The following PARP15 variants were observed in gnomAD, a reference collection of about 807,000 sequenced individuals.
PARP15 encodes poly(ADP-ribose) polymerase family member 15, also known as protein mono-ADP-ribosyltransferase PARP15.
A neutral mutation model predicts 62.1 loss-of-function variants in PARP15; 50 were observed. That is an observed-to-expected ratio of 0.81 (90% CI 0.64 to 1.02). The LOEUF (loss-of-function observed/expected upper bound fraction) is 1.02. Ranked by LOEUF, PARP15 falls within the 50% of genes least tolerant of loss-of-function variation. PARP15 has a pLI of 0.00. For synonymous variants in PARP15, 309 were observed against 293.1 expected, an observed-to-expected ratio of 1.05 and a Z score of -0.55; for missense variants, 820 against 826.5, an observed-to-expected ratio of 0.99 and a Z score of 0.10.
chr3:122,626,725 G>C (rs909460407), intron 8 of PARP15, 102 bp from the exon 9 acceptor site: 3 of 1,025,406 alleles, frequency 2.9e-6, no homozygotes, highest in Non-Finnish European at 2.8e-6. Context: ...TCCTGGCTGT[G>C]AGGGGCTTTC....
chr3:122,579,391 T>C (rs1326785079), intron 1 of PARP15, among the ~76,000 whole-genome samples: 1 of 152,110 alleles, frequency 6.6e-6, no homozygotes, highest in African/African-American at 2.4e-5. Flanking sequence ...AGAAAATTCA[T>C]ACTTTTTAGT....
At chr3:122,579,802 A>AACC (rs1455477406) in intron 1 of PARP15, among the ~76,000 whole-genome samples, 2 of 151,606 alleles carry the variant, frequency 1.3e-5, no homozygotes, top group African/African-American at 4.8e-5. Context: ...AACATGGTGA[A>AACC]ACCTCGTCTC....
intron 1 of PARP15, among the ~76,000 whole-genome samples, chr3:122,587,772 A>C (rs1030370387): frequency 2.0e-5 from 3 of 152,134 alleles, no homozygotes; most frequent in African/African-American, 4.8e-5. Context: ...CTCCCTTCTC[A>C]GTCTCCTAAA....
At position 122,636,114 on chromosome 3, in the gene PARP15, A is replaced by T. The variant is rs376034815; in HGVS notation, c.*14A>T. 6.3e-7 allele frequency: 1 copy of T among 1,597,718 alleles called. No individual in the cohort carries two copies. The highest frequency in any genetic ancestry group is 1.3e-5 in the African/African-American group (1 of 74,534). On this transcript the variant is annotated 3_prime_UTR_variant, in exon 12 of 12. Transcript: ENST00000464300. Reference sequence around the variant, plus strand: ...TTCACGGCTTAAAAATATTTTTATCATCAAAGAGATGATTTAAGTCATCTG... The same window carrying T: ...TTCACGGCTTAAAAATATTTTTATCTTCAAAGAGATGATTTAAGTCATCTG...
intron 1 of PARP15, among the ~76,000 whole-genome samples, 197 bp downstream of exon 1, chr3:122,578,050 GGTTT>G: frequency 8.3e-6 from 1 of 120,212 alleles, no homozygotes; most frequent in South Asian, 3.0e-4. Flanking sequence ...CATTTCTGGT[GGTTT>G]TTTTTTTTTT....
chr3:122,614,180 C>T (rs1935782466), intron 4 of PARP15, among the ~76,000 whole-genome samples: 1 of 152,092 alleles, frequency 6.6e-6, no homozygotes, highest in Non-Finnish European at 1.5e-5. Flanking sequence ...GTGGTAATAA[C>T]ACCTTTCGGA....
At chr3:122,614,428 T>A (rs1211250886) in intron 4 of PARP15, among the ~76,000 whole-genome samples, 1 of 152,086 alleles carries the variant, frequency 6.6e-6, no homozygotes, top group Non-Finnish European at 1.5e-5. Flanking sequence ...TTCCCAGAGT[T>A]CCCCAGAAAC....
chr3:122,578,545 T>G (rs1166014430), intron 1 of PARP15, among the ~76,000 whole-genome samples: 1 of 152,188 alleles, frequency 6.6e-6, no homozygotes, highest in Non-Finnish European at 1.5e-5. Flanking sequence ...GACTTTCATA[T>G]GTGGTTCGGG....
intron 2 of PARP15, among the ~76,000 whole-genome samples, chr3:122,607,962 C>T (rs1935266718): frequency 6.6e-6 from 1 of 152,176 alleles, no homozygotes; most frequent in African/African-American, 2.4e-5. Context: ...TTAATCTGTC[C>T]TCTACATCAC....
At chr3:122,615,999 A>T (rs1935941321) in intron 5 of PARP15, 142 bp downstream of exon 5, 1 of 774,484 alleles carries the variant, frequency 1.3e-6, no homozygotes, top group Non-Finnish European at 2.1e-6. Context: ...AGCATGTCCC[A>T]TTGTCTGGGC....
intron 8 of PARP15, among the ~76,000 whole-genome samples, chr3:122,622,788 A>C (rs1936432203): frequency 6.6e-6 from 1 of 152,116 alleles, no homozygotes; most frequent in East Asian, 1.9e-4. Context: ...TCACTTCCTG[A>C]TTCATTCACA....
chr3:122,615,396 C>T (rs6778786), intron 4 of PARP15: 98,923 of 1,296,508 alleles, frequency 0.076, 4,004 homozygotes, highest in African/African-American at 0.13. Context: ...TGCCCTGCCC[C>T]CTGCTCACCT....
intron 7 of PARP15, 52 bp from the exon 8 acceptor site, chr3:122,621,392 T>C: frequency 6.5e-7 from 1 of 1,528,958 alleles, no homozygotes; most frequent in Non-Finnish European, 8.8e-7. Context: ...ATCAAAGTGT[T>C]GCCTCCAGTA....
intron 4 of PARP15, chr3:122,615,483 C>CAT: frequency 8.3e-7 from 1 of 1,204,774 alleles, no homozygotes; most frequent in Non-Finnish European, 1.1e-6. Flanking sequence ...GGAGGGATAA[C>CAT]GATAGTGGTC....
Position 122,577,810 on chromosome 3 carries a change from G to A in PARP15, c.143G>A (p.Arg48His), listed in dbSNP as rs913659134. Reference protein sequence around the residue: ...EAGSVLPAGNRGARKASRRSS... With the variant: ...EAGSVLPAGNHGARKASRRSS... ...GGGAGCGTGCTGCCGGCCGGGAACCGTGGGGCGCGGAAGGCCTCCCGGCGC... is the reference window on the plus strand; with the variant it reads ...GGGAGCGTGCTGCCGGCCGGGAACCATGGGGCGCGGAAGGCCTCCCGGCGC... Residue 48 changes from arginine to histidine, a missense_variant, in exon 1 of 12, where the codon CGT (arginine) becomes CAT (histidine). Physicochemically the swap from Arg to His is conservative, Grantham distance 29. This residue lies in a region of PARP15 where 731 missense variants were observed against 727.7 expected (regional missense o/e 1.00). Coordinates refer to ENST00000464300, the MANE Select transcript of PARP15 (RefSeq NM_001113523.3). The A allele has an allele frequency of 1.9e-5, 30 of 1,550,786 alleles. No homozygotes were observed. The African/African-American group carries it at 3.1e-4, about 16-fold the overall frequency.
Position 122,603,221 on chromosome 3 carries a change from G to A in PARP15, c.187-2715G>A, listed in dbSNP as rs1426991794. 2.6e-5 allele frequency among the ~76,000 whole-genome samples: 4 copies of A among 152,142 alleles called. No individual in the cohort carries two copies. The South Asian group carries it at 6.2e-4, about 24-fold the overall frequency. On this transcript the variant is annotated intron_variant, in intron 1 of 11. Transcript: ENST00000464300. ...TGGATCCTCGCATATGGAAGTTCCT[G>A]CCTAAAATGCATCACCTGATCAGAA...
intron 4 of PARP15, chr3:122,615,476 G>A (rs1935899409): frequency 8.2e-7 from 1 of 1,224,296 alleles, no homozygotes; most frequent in African/African-American, 1.5e-5. Flanking sequence ...CAAAAGAGGA[G>A]GGATAACGAT....
At chr3:122,619,679 T>C (rs1936213543) in intron 6 of PARP15, 102 bp from the exon 7 acceptor site, 1 of 1,013,504 alleles carries the variant, frequency 9.9e-7, no homozygotes, top group East Asian at 2.4e-5. Context: ...GTCAATGGAT[T>C]ATGCACAAAA....
chr3:122,627,687 C>T (rs1478001260), intron 9 of PARP15, among the ~76,000 whole-genome samples: 1 of 152,228 alleles, frequency 6.6e-6, no homozygotes, highest in Admixed American at 6.5e-5. Flanking sequence ...CCTTAAAGCA[C>T]TGTGAGTTTT....
Sources: allele counts gnomAD v4.1 joint callset (sites outside exome capture counted in the v4.1 genomes callset), GRCh38; gene constraint gnomAD v4.1.1; regional missense constraint gnomAD v4.1.1; transcripts MANE v1.5; gene names NCBI Gene and HGNC (gene_info 2026-07-23, HGNC 2026-07-21).